Variants in DHX32 observed in about 807,000 individuals in gnomAD.
The protein encoded by DHX32 is putative pre-mRNA-splicing factor ATP-dependent RNA helicase DHX32.
DHX32 carries 51 observed loss-of-function variants against 70.0 expected under a neutral mutation model. The observed-to-expected ratio is 0.73, with a 90% CI of 0.58 to 0.92. The LOEUF is 0.92. Ranked by LOEUF, DHX32 falls within the 40% of genes least tolerant of loss-of-function variation. The probability of loss-of-function intolerance (pLI) is 0.00; values close to 1 mark genes in which losing one functional copy is unlikely to be tolerated. For synonymous variants in DHX32, 310 were observed against 315.3 expected, an observed-to-expected ratio of 0.98 and a Z score of 0.18; for missense variants, 762 against 891.8, an observed-to-expected ratio of 0.85 and a Z score of 1.85.
chr10:125,836,548 A>G lies in DHX32; in HGVS notation c.*139T>C. On this transcript the variant is annotated 3_prime_UTR_variant, in exon 11 of 11. Transcript: ENST00000284690. ...AAAAACTTCTATTTTTTATTTTAAA[A>G]TAATATACACAGTGTTATTTTCTTC... The G allele has an allele frequency of 4.5e-6, 6 of 1,336,062 alleles. No homozygotes were observed. The highest frequency in any genetic ancestry group is 5.9e-6 in the Non-Finnish European group (6 of 1,016,592). 82.8% of individuals were successfully genotyped at this position (1,336,062 alleles called of 1,614,324 possible).
intron 6 of DHX32, among the ~76,000 whole-genome samples, chr10:125,850,155 T>C (rs1033204674): frequency 6.7e-6 from 1 of 149,244 alleles, no homozygotes; most frequent in African/African-American, 2.5e-5. Flanking sequence ...AAAAAAAAAA[T>C]TTGTAGAGAT....
At chr10:125,850,813 G>GCCTCT in intron 6 of DHX32, among the ~76,000 whole-genome samples, 1 of 152,290 alleles carries the variant, frequency 6.6e-6, no homozygotes, top group Admixed American at 6.5e-5. Context: ...AATGAGTTCT[G>GCCTCT]CCTCTGAATA....
At chr10:125,838,523 C>G in intron 9 of DHX32, 136 bp from the exon 10 acceptor site, 1 of 831,494 alleles carries the variant, frequency 1.2e-6, no homozygotes, top group East Asian at 2.8e-5. Context: ...ATGTTTCCTA[C>G]TTTCACATGT....
Position 125,881,136 on chromosome 10 carries a change from G to T in DHX32, c.-312C>A. ...AACACATATAAGTTAAAAAGAAAAT[G>T]CACAGGAGTTCAAATGAAAAGCATT... is the stretch of plus-strand genomic sequence containing the variant. On this transcript the variant is annotated 5_prime_UTR_variant, in exon 1 of 11. Coordinates refer to ENST00000284690, the MANE Select transcript of DHX32 (RefSeq NM_018180.3). The T allele has an allele frequency of 3.9e-6, 1 of 257,464 alleles. No homozygotes were observed. The highest frequency in any genetic ancestry group is 5.4e-5 in the Admixed American group (1 of 18,618). 15.9% of individuals were successfully genotyped at this position (257,464 alleles called of 1,614,324 possible). A position where few individuals can be genotyped will look rare whatever the true frequency, so the allele number is the denominator to read the frequency against.
chr10:125,893,539 G>A (rs371561271), intron 1 of DHX32, among the ~76,000 whole-genome samples: 2 of 152,178 alleles, frequency 1.3e-5, no homozygotes, highest in African/African-American at 2.4e-5. Flanking sequence ...CACCGCGCCC[G>A]GCCAGTGTCC....
intron 1 of DHX32, among the ~76,000 whole-genome samples, chr10:125,886,466 T>TA (rs1378443158): frequency 4.6e-5 from 7 of 152,344 alleles, no homozygotes; most frequent in Non-Finnish European, 7.4e-5. Context: ...CTTGCATAGT[T>TA]ACGTCCTTCA....
At chr10:125,855,501 TGCAG>T (rs1944139575) in intron 3 of DHX32, among the ~76,000 whole-genome samples, 1 of 145,500 alleles carries the variant, frequency 6.9e-6, no homozygotes, top group South Asian at 2.2e-4. Flanking sequence ...CAGGCTGGAG[TGCAG>T]TGGCCCGATC....
intron 6 of DHX32, among the ~76,000 whole-genome samples, chr10:125,851,592 T>G (rs1944089802): frequency 1.3e-5 from 2 of 152,192 alleles, no homozygotes; most frequent in South Asian, 4.2e-4. Flanking sequence ...GAAACCTATC[T>G]TGTTGGGGCT....
chr10:125,885,080 T>C (rs1027606553), upstream of DHX32, among the ~76,000 whole-genome samples: 13 of 152,066 alleles, frequency 8.5e-5, no homozygotes, highest in African/African-American at 2.9e-4. Context: ...GGATATTTAA[T>C]AGGAAACTCA....
intron 10 of DHX32, among the ~76,000 whole-genome samples, chr10:125,837,551 C>T (rs1431916519): frequency 1.3e-5 from 2 of 152,168 alleles, no homozygotes; most frequent in Non-Finnish European, 2.9e-5. Context: ...CGCAGAATCT[C>T]AAGTAGCTGG....
intron 4 of DHX32, chr10:125,853,002 T>C (rs1461139297): frequency 1.4e-6 from 1 of 718,150 alleles, no homozygotes; most frequent in Non-Finnish European, 2.4e-6. Flanking sequence ...CATGTTTCTT[T>C]ATAGTTTTGT....
At chr10:125,885,183 C>T (rs187499093), upstream of DHX32, among the ~76,000 whole-genome samples, 4 of 152,222 alleles carry the variant, frequency 2.6e-5, no homozygotes, top group Admixed American at 6.5e-5. Flanking sequence ...CTTCCCATTG[C>T]TCAGATCAAA....
chr10:125,840,521 G>C (rs1179382181), intron 8 of DHX32, among the ~76,000 whole-genome samples: 1 of 152,238 alleles, frequency 6.6e-6, no homozygotes, highest in East Asian at 1.9e-4. Flanking sequence ...GGCTGTTCTT[G>C]TCTTCCTCCA....
At chr10:125,843,787 A>G (rs1334481977) in intron 6 of DHX32, among the ~76,000 whole-genome samples, 3 of 152,168 alleles carry the variant, frequency 2.0e-5, no homozygotes, top group Admixed American at 1.3e-4. Context: ...AGCACCAGAT[A>G]TAACTTCAGC....
At chr10:125,862,369 A>G (rs762459076) in intron 2 of DHX32, among the ~76,000 whole-genome samples, 3 of 152,158 alleles carry the variant, frequency 2.0e-5, no homozygotes, top group Non-Finnish European at 4.4e-5. Context: ...AAAATAAAGC[A>G]TCTTGAATAC....
intron 8 of DHX32, 89 bp from the exon 9 acceptor site, chr10:125,839,277 T>G: frequency 7.4e-7 from 1 of 1,353,712 alleles, no homozygotes; most frequent in Non-Finnish European, 1.0e-6. Flanking sequence ...CTTTAAGCCC[T>G]GTGCTCTCCT....
chr10:125,836,951 T>C, intron 10 of DHX32, 96 bp from the exon 11 acceptor site: 2 of 1,037,098 alleles, frequency 1.9e-6, no homozygotes, highest in Non-Finnish European at 2.9e-6. Flanking sequence ...CTGGAGAATC[T>C]ACCTGTAGAA....
chr10:125,856,796 A>G (rs535852603), intron 3 of DHX32, among the ~76,000 whole-genome samples: 1 of 152,122 alleles, frequency 6.6e-6, no homozygotes, highest in Admixed American at 6.5e-5. Context: ...AAAAAAAACA[A>G]AAAACAAAAA....
At chr10:125,874,423 T>C (rs531917186) in intron 1 of DHX32, among the ~76,000 whole-genome samples, 11 of 152,318 alleles carry the variant, frequency 7.2e-5, no homozygotes, top group Admixed American at 1.3e-4. Context: ...ATTGAAATAA[T>C]TGAGAAATTA....
Sources: allele counts gnomAD v4.1 joint callset (sites outside exome capture counted in the v4.1 genomes callset), GRCh38; gene constraint gnomAD v4.1.1; transcripts MANE v1.5; gene names NCBI Gene and HGNC (gene_info 2026-07-23, HGNC 2026-07-21).